Variants in DSCAML1 observed in about 807,000 individuals in gnomAD.
DSCAML1 encodes the protein cell adhesion molecule DSCAML1.
In DSCAML1, 38 loss-of-function variants were observed where a neutral mutation model predicts 200.5. The ratio of observed to expected loss-of-function variants is 0.19; its 90% CI spans 0.15 to 0.25. DSCAML1 has a LOEUF of 0.25. Among genes scored for constraint, DSCAML1 ranks in the 10% least tolerant of loss-of-function variants. The pLI is 1.00. For missense variants in DSCAML1, 2,223 were observed against 2,858.8 expected (o/e 0.78, Z 5.07); for synonymous variants, 1,215 against 1,165.0 (o/e 1.04, Z -0.87).
chr11:117,711,593 G>C (rs2053850655), intron 3 of DSCAML1, among the ~76,000 whole-genome samples: 2 of 152,186 alleles, frequency 1.3e-5, no homozygotes, highest in Admixed American at 1.3e-4. Context: ...TCCTGACACA[G>C]ATAACCCCAG....
At chr11:117,658,929 C>T (rs1201640864) in intron 3 of DSCAML1, among the ~76,000 whole-genome samples, 2 of 152,202 alleles carry the variant, frequency 1.3e-5, no homozygotes, top group Admixed American at 6.5e-5. Context: ...TTCTAGTCAG[C>T]CTGCCTGTGC....
chr11:117,615,617 T>C (rs144492488), intron 3 of DSCAML1, among the ~76,000 whole-genome samples: 40 of 152,012 alleles, frequency 2.6e-4, no homozygotes, highest in African/African-American at 8.2e-4. Context: ...CTGTTCCTCA[T>C]TCCCAGTGAA....
chr11:117,546,879 C>T (rs11216448), intron 3 of DSCAML1, among the ~76,000 whole-genome samples: 74 of 152,172 alleles, frequency 4.9e-4, no homozygotes, highest in African/African-American at 1.7e-3. Context: ...AAAACTGGAG[C>T]GCTCCCAGGC....
intron 3 of DSCAML1, among the ~76,000 whole-genome samples, chr11:117,587,827 G>A (rs2051179842): frequency 6.6e-6 from 1 of 152,150 alleles, no homozygotes; most frequent in African/African-American, 2.4e-5. Context: ...CAGCTGCAGA[G>A]TGAGCTCCCT....
In DSCAML1 at chr11:117,516,316, CCT is replaced by C; in HGVS notation, c.1783+149_1783+150del. On this transcript the variant is annotated intron_variant, in intron 8 of 32. Transcript: ENST00000651296. This position sits in a 1 kb window ranked among gnomAD's most constrained non-coding sequence, Gnocchi z 5.7. Reference sequence around the variant, plus strand: ...CCACCCACAGTCTTCTGCCCTGCTCCCTTTTTTCTGAATGCCAAGCTGGGGCC... The same window carrying C: ...CCACCCACAGTCTTCTGCCCTGCTCCTTTTTCTGAATGCCAAGCTGGGGCC... The C allele has an allele frequency of 2.0e-6, 2 of 998,018 alleles. No individual in the cohort carries two copies. The highest frequency in any genetic ancestry group is 2.9e-6 in the Non-Finnish European group (2 of 695,612). 61.8% of individuals were successfully genotyped at this position (998,018 alleles called of 1,614,324 possible).
At chr11:117,513,809 A>G (rs538991604) in intron 8 of DSCAML1, among the ~76,000 whole-genome samples, 1 of 151,832 alleles carries the variant, frequency 6.6e-6, no homozygotes, top group Admixed American at 6.6e-5. Flanking sequence ...AGTCACTCCA[A>G]CTCAGCCTAA....
rs776798501 is a variant in DSCAML1 at position 117,428,472 on chromosome 11, G to A, written c.6018C>T (p.Pro2006=). 20 of 1,529,562 alleles carry A rather than the reference G, an allele frequency of 1.3e-5. No individual in the cohort carries two copies. In the Admixed American group the frequency reaches 4.1e-4, roughly 31 times the overall value. The allele number at this position is 1,529,562 out of a possible 1,614,324, so 94.7% of individuals were successfully genotyped here. ...PTAPSAAPPA[P]STEPPRAGGP... ...CCCCGGCTCGTGGAGGCTCGGTGCT[G>A]GGGGCCGGAGGGGCAGCGCTGGGGG... The change falls in exon 33 of 33, where the codon CCC becomes CCT. Residue 2006 remains proline (P), a synonymous_variant. Transcript: ENST00000651296.
chr11:117,655,524 C>T (rs1041084426), intron 3 of DSCAML1, among the ~76,000 whole-genome samples: 3 of 152,192 alleles, frequency 2.0e-5, no homozygotes, highest in African/African-American at 7.2e-5. Context: ...TAAAATGAGG[C>T]CTGTCTGGTG....
At chr11:117,513,010 G>A (rs756089070) in intron 8 of DSCAML1, among the ~76,000 whole-genome samples, 2 of 152,164 alleles carry the variant, frequency 1.3e-5, no homozygotes, top group South Asian at 2.1e-4. Flanking sequence ...CGCTGCACCC[G>A]TTATTATTTT....
chr11:117,544,289 A>T (rs1419016245), intron 3 of DSCAML1, among the ~76,000 whole-genome samples: 1 of 152,206 alleles, frequency 6.6e-6, no homozygotes, highest in African/African-American at 2.4e-5. Flanking sequence ...TGCAATACAG[A>T]TTTATAAAAA....
intron 1 of DSCAML1, among the ~76,000 whole-genome samples, chr11:117,815,100 T>C (rs1415290692): frequency 6.6e-6 from 1 of 152,212 alleles, no homozygotes; most frequent in African/African-American, 2.4e-5. Flanking sequence ...CCTTCATCAC[T>C]TGCTGGGCGC....
At chr11:117,644,265 T>C (rs1268715230) in intron 3 of DSCAML1, among the ~76,000 whole-genome samples, 1 of 152,216 alleles carries the variant, frequency 6.6e-6, no homozygotes, top group Non-Finnish European at 1.5e-5. Context: ...AGCGGATATT[T>C]TAGAATCCCA....
intron 20 of DSCAML1, among the ~76,000 whole-genome samples, chr11:117,447,432 G>A (rs9326249): frequency 0.56 from 85,942 of 152,112 alleles, 25,777 homozygotes; most frequent in East Asian, 0.83. Flanking sequence ...CCTGTACTAT[G>A]TGTACAGATC....
At chr11:117,784,246 C>T (rs1416158720) in intron 1 of DSCAML1, among the ~76,000 whole-genome samples, 1 of 152,178 alleles carries the variant, frequency 6.6e-6, no homozygotes, top group Admixed American at 6.5e-5. Flanking sequence ...CATCATGAAA[C>T]ATCACCCTCA....
chr11:117,525,387 C>T (rs150120457), intron 4 of DSCAML1, among the ~76,000 whole-genome samples: 9 of 151,668 alleles, frequency 5.9e-5, no homozygotes, highest in South Asian at 2.1e-4. Context: ...GGGAAGAAGG[C>T]GGAAGAGAGC....
chr11:117,643,189 A>G (rs181307422), intron 3 of DSCAML1, among the ~76,000 whole-genome samples: 1 of 152,310 alleles, frequency 6.6e-6, no homozygotes, highest in East Asian at 1.9e-4. Flanking sequence ...AGAAGCTTGT[A>G]AACTTATGGA....
intron 3 of DSCAML1, among the ~76,000 whole-genome samples, chr11:117,755,991 C>T (rs191429266): frequency 1.3e-5 from 2 of 152,278 alleles, no homozygotes; most frequent in Non-Finnish European, 2.9e-5. Flanking sequence ...GGAAAAGAGG[C>T]GGAAGCTTAC....
At position 117,807,639 on chromosome 11, in the gene DSCAML1, A is replaced by G. The variant is rs75888992; in HGVS notation, c.-250+9751T>C. Among the ~76,000 whole-genome samples the G allele has an allele frequency of 5.3e-3, 805 of 152,192 alleles. 6 individuals are homozygous for G. The highest frequency in any genetic ancestry group is 0.018 in the African/African-American group (751 of 41,504). On this transcript the variant is annotated intron_variant, in intron 1 of 2. Coordinates refer to the DSCAML1 transcript ENST00000525836. ...TCTCCGCAGAGTTGTTTAGCTAGAG[A>G]AGGTCACAGTACCTGCCATGGCCAG...
Position 117,430,732 on chromosome 11 carries a change from C to T in DSCAML1, c.5676G>A (p.Arg1892=), listed in dbSNP as rs1240321827. The T allele has an allele frequency of 1.9e-6, 3 of 1,611,606 alleles. No individual in the cohort carries two copies. The highest frequency in any genetic ancestry group is 2.5e-6 in the Non-Finnish European group (3 of 1,178,814). ...GKNVAVPIPH[R]ANKSDYCNLP... ...GGTCTGAGCACTCACTCTTGTTGGC[C>T]CGGTGAGGGATGGGCACAGCCACGT... Residue 1892 remains arginine (R), a synonymous_variant, in exon 32 of 33, where the codon CGG becomes CGA. Transcript: ENST00000651296.
Sources: gnomAD v4.1 joint callset for allele counts (sites outside exome capture counted in the v4.1 genomes callset) on GRCh38, gnomAD v4.1.1 for gene constraint, Gnocchi (gnomAD v3.1) non-coding constraint, MANE v1.5 for transcripts, NCBI Gene and HGNC (gene_info 2026-07-23, HGNC 2026-07-21) for gene names.